DCC: variants seen among roughly 807,000 people sequenced by gnomAD.
DCC encodes the protein netrin receptor DCC.
Under a neutral mutation model 172.5 loss-of-function variants are expected in DCC, and 58 were observed. That is an observed-to-expected ratio of 0.34 (90% CI 0.27 to 0.42). DCC has a LOEUF of 0.42. Ranked by LOEUF, DCC falls within the 10% of genes least tolerant of loss-of-function variation. The pLI is 1.00. For synonymous variants in DCC, 709 were observed against 644.5 expected (o/e 1.10, Z -1.52); for missense variants, 1,740 against 1,791.0 (o/e 0.97, Z 0.51).
At chr18:53,203,992 G>A (rs1358544624) in intron 9 of DCC, among the ~76,000 whole-genome samples, 1 of 152,128 alleles carries the variant, frequency 6.6e-6, no homozygotes, top group Non-Finnish European at 1.5e-5. Context: ...ATCTGAACCT[G>A]ACCTGACCTC....
intron 2 of DCC, among the ~76,000 whole-genome samples, chr18:52,781,754 ATATTC>A (rs937968397): frequency 2.0e-5 from 3 of 152,124 alleles, no homozygotes; most frequent in African/African-American, 7.2e-5. Flanking sequence ...TTGAAGGACA[ATATTC>A]TATTTTAGTC....
intron 15 of DCC, among the ~76,000 whole-genome samples, chr18:53,367,135 A>T (rs758490917): frequency 4.6e-5 from 7 of 152,180 alleles, no homozygotes; most frequent in Non-Finnish European, 7.4e-5. Context: ...ATATGTTTTA[A>T]CTCATTTTTG....
At chr18:52,877,610 G>A (rs114019826) in intron 2 of DCC, among the ~76,000 whole-genome samples, 2,507 of 152,016 alleles carry the variant, frequency 0.016, 44 homozygotes, top group Middle Eastern at 0.044. Context: ...TGGAGGTTGA[G>A]GTGGGAGGAT....
intron 2 of DCC, among the ~76,000 whole-genome samples, chr18:52,818,997 G>A (rs950159235): frequency 6.6e-6 from 1 of 152,154 alleles, no homozygotes; most frequent in African/African-American, 2.4e-5. Flanking sequence ...TACGGAGTTA[G>A]GCAAATAAGC....
intron 1 of DCC, among the ~76,000 whole-genome samples, chr18:52,634,992 T>A (rs930370371): frequency 2.0e-5 from 3 of 152,218 alleles, no homozygotes; most frequent in African/African-American, 7.2e-5. Context: ...TCTATTCTTA[T>A]AAGATAGGGT....
At chr18:52,652,741 G>GTGTGTGTGTGTGTGTGTGTGT (rs1555709976) in intron 1 of DCC, among the ~76,000 whole-genome samples, 39 of 43,136 alleles carry the variant, frequency 9.0e-4, no homozygotes, top group African/African-American at 2.3e-3. Flanking sequence ...TGTGTGTGTG[G>GTGTGTGTGTGTGTGTGTGTGT]GTGGAGGAGG....
chr18:52,738,147 T>C (rs978338228), intron 1 of DCC, among the ~76,000 whole-genome samples: 4 of 152,212 alleles, frequency 2.6e-5, no homozygotes, highest in Non-Finnish European at 5.9e-5. Flanking sequence ...GCCTTACCAC[T>C]GTCTCAGAAT....
At chr18:53,075,689 C>T (rs557320153) in intron 7 of DCC, among the ~76,000 whole-genome samples, 18 of 151,894 alleles carry the variant, frequency 1.2e-4, no homozygotes, top group Admixed American at 3.3e-4. Context: ...GAAAGATGTG[C>T]GAGTGCACAC....
At chr18:52,982,544 A>G (rs72928189) in intron 5 of DCC, among the ~76,000 whole-genome samples, 3,239 of 151,964 alleles carry the variant, frequency 0.021, 61 homozygotes, top group Admixed American at 0.039. Context: ...GGGCCTGGAT[A>G]ATTCTTTGTT....
chr18:53,463,130 G>T (rs773312795), intron 24 of DCC, among the ~76,000 whole-genome samples: 1 of 152,212 alleles, frequency 6.6e-6, no homozygotes, highest in Non-Finnish European at 1.5e-5. Context: ...TCAGGGAGGG[G>T]AGAGCACCTC....
At chr18:53,490,495 A>G (rs2045949017) in intron 26 of DCC, among the ~76,000 whole-genome samples, 1 of 152,116 alleles carries the variant, frequency 6.6e-6, no homozygotes, top group African/African-American at 2.4e-5. Context: ...TTGAGATTTG[A>G]CTCTGCTGTG....
chr18:52,656,698 T>C (rs2035261412), intron 1 of DCC, among the ~76,000 whole-genome samples: 2 of 152,176 alleles, frequency 1.3e-5, no homozygotes, highest in South Asian at 2.1e-4. Context: ...GGTAAGATCA[T>C]AGTGTAGAGC....
chr18:53,109,644 G>C (rs1395822526), intron 7 of DCC, among the ~76,000 whole-genome samples: 2 of 145,170 alleles, frequency 1.4e-5, no homozygotes, highest in African/African-American at 5.1e-5. Flanking sequence ...GTAGAGCAGT[G>C]GTTCTTAACC....
At chr18:53,202,824 A>G (rs1360824000) in intron 9 of DCC, among the ~76,000 whole-genome samples, 6 of 152,194 alleles carry the variant, frequency 3.9e-5, no homozygotes, top group African/African-American at 1.4e-4. Context: ...TAAGTCTAAC[A>G]TGAGACAGAG....
chr18:52,368,462 A>G (rs1984974346), intron 1 of DCC, among the ~76,000 whole-genome samples: 1 of 152,152 alleles, frequency 6.6e-6, no homozygotes, highest in South Asian at 2.1e-4. Flanking sequence ...AAAAAATAGC[A>G]GGTTTCAGTC....
At chr18:53,510,403 T>A (rs1230622932) in intron 27 of DCC, among the ~76,000 whole-genome samples, 1 of 152,228 alleles carries the variant, frequency 6.6e-6, no homozygotes, top group African/African-American at 2.4e-5. Context: ...CTAATTAAAA[T>A]AAATGTTTAT....
At chr18:52,764,585 G>A (rs545161263) in intron 2 of DCC, among the ~76,000 whole-genome samples, 1 of 152,274 alleles carries the variant, frequency 6.6e-6, no homozygotes, top group East Asian at 1.9e-4. Flanking sequence ...CTCTTATCAT[G>A]TGATGTCTGT....
chr18:53,507,282 G>A (rs1262367054), intron 27 of DCC, among the ~76,000 whole-genome samples: 1 of 152,110 alleles, frequency 6.6e-6, no homozygotes, highest in Non-Finnish European at 1.5e-5. Flanking sequence ...TGTGCTAATG[G>A]ACTATTGAAA....
chr18:52,465,008 C>T (rs1248900142), intron 1 of DCC, among the ~76,000 whole-genome samples: 1 of 152,056 alleles, frequency 6.6e-6, no homozygotes, highest in Non-Finnish European at 1.5e-5. Flanking sequence ...ATTAATTTGA[C>T]AGCAAGATAT....
Sources: allele counts gnomAD v4.1 joint callset (sites outside exome capture counted in the v4.1 genomes callset), GRCh38; gene constraint gnomAD v4.1.1; transcripts MANE v1.5; gene names NCBI Gene and HGNC (gene_info 2026-07-23, HGNC 2026-07-21).